THRB: variants seen among roughly 807,000 people sequenced by gnomAD.
THRB encodes nuclear receptor subfamily 1 group A member 2.
A neutral mutation model predicts 47.8 loss-of-function variants in THRB; 12 were observed. The ratio of observed to expected loss-of-function variants is 0.25; its 90% confidence interval spans 0.16 to 0.41. The LOEUF is 0.41. THRB is among the 10% of genes least tolerant of loss of function. The pLI is 1.00. For synonymous variants in THRB, 218 were observed against 212.2 expected, an observed-to-expected ratio of 1.03 and a Z score of -0.24; for missense variants, 348 against 589.2, an observed-to-expected ratio of 0.59 and a Z score of 4.24.
intron 1 of THRB, among the ~76,000 whole-genome samples, chr3:24,389,121 A>C (rs2066359417): frequency 6.6e-6 from 1 of 152,200 alleles, no homozygotes; most frequent in Admixed American, 6.5e-5. Flanking sequence ...TCTCCTTCGC[A>C]GAAAGCATAG....
chr3:24,403,244 G>A (rs982651706), intron 1 of THRB, among the ~76,000 whole-genome samples: 34 of 151,740 alleles, frequency 2.2e-4, no homozygotes, highest in Non-Finnish European at 4.0e-4. Context: ...ACATACATAG[G>A]GGAAGTACAA....
intron 4 of THRB, among the ~76,000 whole-genome samples, chr3:24,196,869 A>G (rs888135501): frequency 2.0e-5 from 3 of 152,262 alleles, no homozygotes; most frequent in African/African-American, 7.2e-5. Flanking sequence ...TAACATAACA[A>G]TGAAGACACA....
At chr3:24,242,472 A>C (rs577363353) in intron 3 of THRB, among the ~76,000 whole-genome samples, 1 of 152,282 alleles carries the variant, frequency 6.6e-6, no homozygotes, top group East Asian at 1.9e-4. Context: ...CAGATATGCA[A>C]CTGAAGAATC....
At chr3:24,459,760 C>T (rs2073531266) in intron 1 of THRB, among the ~76,000 whole-genome samples, 1 of 152,048 alleles carries the variant, frequency 6.6e-6, no homozygotes, top group African/African-American at 2.4e-5. Context: ...TAAATGTCTT[C>T]TTTTGAGAAG....
chr3:24,302,618 A>G (rs1264845033), intron 2 of THRB, among the ~76,000 whole-genome samples: 1 of 152,174 alleles, frequency 6.6e-6, no homozygotes, highest in Non-Finnish European at 1.5e-5. Flanking sequence ...ATGCCAACTT[A>G]TTGTAAGTGA....
chr3:24,293,677 G>A (rs2056176364), intron 3 of THRB, among the ~76,000 whole-genome samples: 1 of 152,110 alleles, frequency 6.6e-6, no homozygotes, highest in South Asian at 2.1e-4. Context: ...ATGGAATTTG[G>A]GTATAGGGTA....
intron 4 of THRB, among the ~76,000 whole-genome samples, chr3:24,194,276 TAAA>T (rs947795457): frequency 1.3e-5 from 2 of 152,026 alleles, no homozygotes; most frequent in Non-Finnish European, 2.9e-5. Flanking sequence ...TTGAAATAAA[TAAA>T]AAATTAAAAA....
intron 4 of THRB, among the ~76,000 whole-genome samples, chr3:24,220,480 G>A (rs958279701): frequency 2.6e-5 from 4 of 152,146 alleles, no homozygotes; most frequent in Non-Finnish European, 5.9e-5. Context: ...CACAGAGTGA[G>A]ACCCTGTCTC....
chr3:24,132,025 T>C (rs2033938903), intron 9 of THRB, among the ~76,000 whole-genome samples: 2 of 152,114 alleles, frequency 1.3e-5, no homozygotes, highest in Admixed American at 1.3e-4. Context: ...GGCTCAGAAA[T>C]TGGCAATGAG....
chr3:24,159,082 C>T (rs1180295929), intron 5 of THRB, among the ~76,000 whole-genome samples: 1 of 152,180 alleles, frequency 6.6e-6, no homozygotes, highest in East Asian at 1.9e-4. Context: ...GAGGCACCCA[C>T]AGTTATGTCA....
intron 1 of THRB, among the ~76,000 whole-genome samples, chr3:24,422,634 T>C (rs761450573): frequency 2.0e-5 from 3 of 151,898 alleles, no homozygotes; most frequent in Non-Finnish European, 4.4e-5. Flanking sequence ...GCATTCACTT[T>C]TTTCAGCTGC....
At position 24,266,958 on chromosome 3, in the gene THRB, A is replaced by G. The variant is rs571059772; in HGVS notation, c.-43+30268T>C. On this transcript the variant is annotated intron_variant, in intron 3 of 10. Coordinates refer to ENST00000646209, the MANE Select transcript of THRB (RefSeq NM_001354712.2). The stretch of plus-strand genomic sequence containing the variant: ...GTGGAGGAGAGAGAGAGAAAAAGAG[A>G]GAAGAAATAGAATAGCTCCATCTAT... Among the ~76,000 whole-genome samples, 12 of 152,234 alleles carry G rather than the reference A, an allele frequency of 7.9e-5. No homozygotes were observed. In the East Asian group the frequency reaches 1.9e-3, roughly 24 times the overall value.
At position 24,143,413 on chromosome 3, in the gene THRB, C is replaced by G. The variant is rs986638712; in HGVS notation, c.738+88G>C. 5 of 1,300,284 alleles carry G rather than the reference C, an allele frequency of 3.8e-6. No homozygotes were observed. The African/African-American group carries it at 4.4e-5, about 11-fold the overall frequency. The allele number at this position is 1,300,284 out of a possible 1,614,324, so 80.5% of individuals were successfully genotyped here. On this transcript the variant is annotated intron_variant, in intron 8 of 10. Transcript: ENST00000646209. ...CTATCAGTAAAATGAGGCAATAACA[C>G]CAGTATCCCAAGGTGATGAGGACTG...
intron 1 of THRB, among the ~76,000 whole-genome samples, chr3:24,368,681 C>T (rs1223517000): frequency 6.6e-6 from 1 of 152,196 alleles, no homozygotes; most frequent in South Asian, 2.1e-4. Context: ...CCAATGAAGG[C>T]CATGAATCAA....
intron 4 of THRB, among the ~76,000 whole-genome samples, chr3:24,199,170 AG>A (rs2044310591): frequency 6.6e-6 from 1 of 152,216 alleles, no homozygotes; most frequent in Non-Finnish European, 1.5e-5. Context: ...ATCCCTAATC[AG>A]GGTGCACTCA....
chr3:24,191,104 G>C (rs1252409585), intron 4 of THRB, among the ~76,000 whole-genome samples: 1 of 151,522 alleles, frequency 6.6e-6, no homozygotes, highest in East Asian at 1.9e-4. Flanking sequence ...TCAATTTATA[G>C]GGACTTGAGG....
intron 1 of THRB, among the ~76,000 whole-genome samples, chr3:24,360,543 C>A (rs530148720): frequency 2.0e-5 from 3 of 152,084 alleles, no homozygotes; most frequent in Non-Finnish European, 4.4e-5. Context: ...TGCTTTTTAC[C>A]GATACATAAT....
intron 1 of THRB, among the ~76,000 whole-genome samples, chr3:24,405,088 A>T (rs1291492069): frequency 6.6e-6 from 1 of 151,782 alleles, no homozygotes; most frequent in Admixed American, 6.6e-5. Flanking sequence ...TTTACTGGTG[A>T]CTTTAGTTTC....
intron 3 of THRB, among the ~76,000 whole-genome samples, chr3:24,264,011 A>G (rs918187342): frequency 1.3e-5 from 2 of 152,154 alleles, no homozygotes; most frequent in African/African-American, 2.4e-5. Context: ...TGTCTTACTG[A>G]CATTAATGTC....
Sources: gnomAD v4.1 joint callset for allele counts (sites outside exome capture counted in the v4.1 genomes callset) on GRCh38, gnomAD v4.1.1 for gene constraint, MANE v1.5 for transcripts, NCBI Gene and HGNC (gene_info 2026-07-23, HGNC 2026-07-21) for gene names.